NDST4: variants seen among roughly 807,000 people sequenced by gnomAD.
NDST4 encodes the protein N-heparan sulfate sulfotransferase 4.
In NDST4, 63 loss-of-function variants were observed where a neutral mutation model predicts 100.8. That is an observed-to-expected ratio of 0.62 (90% CI 0.51 to 0.77). The LOEUF (loss-of-function observed/expected upper bound fraction) is 0.77, where lower values mean the gene tolerates loss of function less well. NDST4 is among the 30% of genes least tolerant of loss of function. NDST4 has a pLI of 0.00. For synonymous variants in NDST4, 377 were observed against 361.8 expected, an observed-to-expected ratio of 1.04 and a Z score of -0.48; for missense variants, 943 against 1,018.4, an observed-to-expected ratio of 0.93 and a Z score of 1.01.
chr4:115,051,285 A>T (rs987596394), intron 2 of NDST4, among the ~76,000 whole-genome samples: 1 of 151,810 alleles, frequency 6.6e-6, no homozygotes, highest in Admixed American at 6.6e-5. Flanking sequence ...TAAATTTTAC[A>T]TTTTTTTATT....
chr4:115,105,595 T>G (rs536970353), intron 1 of NDST4, among the ~76,000 whole-genome samples: 1 of 152,128 alleles, frequency 6.6e-6, no homozygotes, highest in Admixed American at 6.6e-5. Flanking sequence ...ATACTTCTTA[T>G]AGTGCGACAA....
At chr4:114,903,874 T>C (rs28563786) in intron 6 of NDST4, among the ~76,000 whole-genome samples, 2,681 of 152,158 alleles carry the variant, frequency 0.018, 87 homozygotes, top group African/African-American at 0.061. Context: ...AATCTCTAGA[T>C]TTTTGACATG....
intron 4 of NDST4, among the ~76,000 whole-genome samples, chr4:114,950,435 T>G (rs1223504739): frequency 6.6e-6 from 1 of 152,084 alleles, no homozygotes; most frequent in Non-Finnish European, 1.5e-5. Flanking sequence ...CCAATTTTTA[T>G]ACTATCTTCA....
chr4:114,950,061 T>C (rs1449117390), intron 4 of NDST4, among the ~76,000 whole-genome samples: 1 of 151,992 alleles, frequency 6.6e-6, no homozygotes, highest in African/African-American at 2.4e-5. Context: ...GATGAGAAAC[T>C]GGAAAATTGT....
chr4:115,097,816 A>G (rs1729651132), intron 1 of NDST4, among the ~76,000 whole-genome samples: 1 of 152,188 alleles, frequency 6.6e-6, no homozygotes, highest in Admixed American at 6.6e-5. Context: ...ATTCTACTAC[A>G]TCTTCCCTAC....
chr4:115,084,025 C>T (rs1729360189), intron 1 of NDST4, among the ~76,000 whole-genome samples: 1 of 152,066 alleles, frequency 6.6e-6, no homozygotes, highest in African/African-American at 2.4e-5. Context: ...GAGGTTGGAA[C>T]AGTTTGGAAG....
intron 6 of NDST4, among the ~76,000 whole-genome samples, chr4:114,898,036 G>A (rs557288051): frequency 1.8e-4 from 28 of 152,056 alleles, no homozygotes; most frequent in Admixed American, 4.6e-4. Flanking sequence ...GCTGTATTTC[G>A]CATAGTAGTT....
intron 6 of NDST4, among the ~76,000 whole-genome samples, chr4:114,891,801 C>A (rs1029151556): frequency 1.3e-5 from 2 of 152,050 alleles, no homozygotes; most frequent in Admixed American, 6.6e-5. Flanking sequence ...CTATTTGAGG[C>A]CCTTCATGGT....
rs1560863545 is a variant in NDST4 at position 115,021,567 on chromosome 4, TCC to T, written c.979-44295_979-44294del. Among the ~76,000 whole-genome samples, 82 of 48,248 alleles carry T rather than the reference TCC, an allele frequency of 1.7e-3. 7 individuals are homozygous for T. Among genetic ancestry groups the T allele is most frequent in the Admixed American group, 2.5e-3 (10 of 3,980 alleles). 31.7% of individuals were successfully genotyped at this position (48,248 alleles called of 152,430 possible). A position where few individuals can be genotyped will look rare whatever the true frequency, so the allele number is the denominator to read the frequency against. On this transcript the variant is annotated intron_variant, in intron 2 of 13. Transcript: ENST00000264363. Reference sequence around the variant, plus strand: ...ATACACATTCCATATATACACACGTTCCACATATACACATTCCATATATACAC... The same window carrying T: ...ATACACATTCCATATATACACACGTTACATATACACATTCCATATATACAC...
intron 6 of NDST4, among the ~76,000 whole-genome samples, chr4:114,924,832 G>A (rs1427738122): frequency 6.6e-6 from 1 of 152,036 alleles, no homozygotes; most frequent in African/African-American, 2.4e-5. Context: ...ATAGCTCAAA[G>A]AGAATAATTC....
At chr4:115,074,591 G>A (rs985812212) in intron 2 of NDST4, among the ~76,000 whole-genome samples, 1 of 152,022 alleles carries the variant, frequency 6.6e-6, no homozygotes, top group African/African-American at 2.4e-5. Flanking sequence ...GTCACAAAAT[G>A]AAATATTTGG....
At position 115,110,497 on chromosome 4, in the gene NDST4, G is replaced by A. The variant is rs555783532; in HGVS notation, c.-247+2947C>T. ...TTATGTTTGCTGCCTACCTTCAGAA[G>A]ATATATGCTACAACAGTATTTAGTG... On this transcript the variant is annotated intron_variant, in intron 1 of 13. Coordinates refer to ENST00000264363, the MANE Select transcript of NDST4 (RefSeq NM_022569.3). 1.4e-4 allele frequency among the ~76,000 whole-genome samples: 21 copies of A among 152,032 alleles called. 1 individual carries two copies. In the South Asian group the frequency reaches 3.9e-3, roughly 29 times the overall value.
intron 2 of NDST4, among the ~76,000 whole-genome samples, chr4:114,984,178 T>A (rs547856285): frequency 8.1e-6 from 1 of 123,832 alleles, no homozygotes; most frequent in South Asian, 2.3e-4. Context: ...ATTTATTTAT[T>A]TATTTATTGA....
At chr4:115,026,763 A>C (rs1226586666) in intron 2 of NDST4, among the ~76,000 whole-genome samples, 2 of 152,006 alleles carry the variant, frequency 1.3e-5, no homozygotes, top group African/African-American at 2.4e-5. Context: ...TGTGAAGGTT[A>C]TTGTACAGCA....
chr4:114,949,558 T>C (rs1725943641), intron 4 of NDST4, among the ~76,000 whole-genome samples: 1 of 152,068 alleles, frequency 6.6e-6, no homozygotes, highest in Admixed American at 6.6e-5. Flanking sequence ...TGGCATTTGC[T>C]CCATAGTTTT....
intron 4 of NDST4, among the ~76,000 whole-genome samples, chr4:114,962,057 T>A (rs562392234): frequency 6.6e-6 from 1 of 152,190 alleles, no homozygotes; most frequent in South Asian, 2.1e-4. Flanking sequence ...TAGAGTAATA[T>A]ACCATATCAA....
intron 6 of NDST4, among the ~76,000 whole-genome samples, chr4:114,887,239 T>C (rs187651353): frequency 2.6e-5 from 4 of 152,328 alleles, no homozygotes; most frequent in African/African-American, 9.6e-5. Flanking sequence ...TGAGACATTT[T>C]GGAAAGTGGC....
chr4:114,840,753 G>A (rs907173370), intron 10 of NDST4, among the ~76,000 whole-genome samples: 43 of 152,158 alleles, frequency 2.8e-4, no homozygotes, highest in African/African-American at 1.0e-3. Context: ...GGTAAATGTG[G>A]AAGTATACTG....
In NDST4 at chr4:114,858,237, T is replaced by C. The variant is rs529616922; in HGVS notation, c.1720-5416A>G. 1.7e-4 allele frequency among the ~76,000 whole-genome samples: 26 copies of C among 152,354 alleles called. No individual in the cohort carries two copies. In the South Asian group the frequency reaches 4.1e-3, roughly 24 times the overall value. The stretch of plus-strand genomic sequence containing the variant: ...ACATTGATTATATTGGACACTGTGA[T>C]AATGAAAAGGGCATGATTCACCTAC... On this transcript the variant is annotated intron_variant, in intron 7 of 13. Transcript: ENST00000264363.
Sources: gnomAD v4.1 joint callset for allele counts (sites outside exome capture counted in the v4.1 genomes callset) on GRCh38, gnomAD v4.1.1 for gene constraint, MANE v1.5 for transcripts, NCBI Gene and HGNC (gene_info 2026-07-23, HGNC 2026-07-21) for gene names.